Variants in FHIT observed in about 807,000 individuals in gnomAD.
The protein encoded by FHIT is fragile histidine triad diadenosine triphosphatase, also known as bis(5'-adenosyl)-triphosphatase.
FHIT carries 19 observed loss-of-function variants against 17.9 expected under a neutral mutation model. That is an observed-to-expected ratio of 1.06 (90% CI 0.74 to 1.56). FHIT has a LOEUF of 1.56. FHIT is among the 40% of genes most tolerant of loss of function. The pLI is 0.00. For missense variants in FHIT, 248 were observed against 189.2 expected, an observed-to-expected ratio of 1.31 and a Z score of -1.82; for synonymous variants, 81 against 69.7, an observed-to-expected ratio of 1.16 and a Z score of -0.81.
chr3:60,299,921 A>G (rs956097841), intron 5 of FHIT, among the ~76,000 whole-genome samples: 1 of 152,036 alleles, frequency 6.6e-6, no homozygotes, highest in Non-Finnish European at 1.5e-5. Context: ...AATTTTCTCT[A>G]TATTGCTAGA....
intron 5 of FHIT, among the ~76,000 whole-genome samples, chr3:60,016,893 C>T (rs1700364753): frequency 1.3e-5 from 2 of 152,200 alleles, no homozygotes; most frequent in South Asian, 4.1e-4. Flanking sequence ...CTCTTACTTA[C>T]TCAATCTTTC....
intron 7 of FHIT, among the ~76,000 whole-genome samples, chr3:59,985,951 G>A (rs1437989771): frequency 1.3e-5 from 2 of 151,600 alleles, no homozygotes; most frequent in Admixed American, 1.3e-4. Flanking sequence ...CACAAACAGA[G>A]AGAGAGAAAA....
chr3:60,094,788 A>C (rs2107111960), intron 5 of FHIT, among the ~76,000 whole-genome samples: 1 of 144,394 alleles, frequency 6.9e-6, no homozygotes, highest in Admixed American at 6.9e-5. Flanking sequence ...AGGGAAGGGA[A>C]CACAAGGGGT....
chr3:59,877,350 A>G (rs1210382902), intron 8 of FHIT, among the ~76,000 whole-genome samples: 2 of 152,188 alleles, frequency 1.3e-5, no homozygotes, highest in African/African-American at 4.8e-5. Flanking sequence ...GACTGTGTAG[A>G]GTTGACAGGG....
At chr3:60,044,888 T>G (rs1701587489) in intron 5 of FHIT, among the ~76,000 whole-genome samples, 1 of 152,076 alleles carries the variant, frequency 6.6e-6, no homozygotes. Context: ...CACAATGAGC[T>G]CATGAAAGAA....
chr3:59,833,802 C>T (rs748310618), intron 8 of FHIT, among the ~76,000 whole-genome samples: 1 of 152,120 alleles, frequency 6.6e-6, no homozygotes, highest in Non-Finnish European at 1.5e-5. Context: ...GTGATTGGAT[C>T]AGGGGGACAG....
intron 3 of FHIT, among the ~76,000 whole-genome samples, chr3:60,860,197 A>T (rs1703604201): frequency 7.1e-6 from 1 of 141,294 alleles, no homozygotes. Flanking sequence ...GAGATACATC[A>T]TATGTATATA....
At chr3:60,505,795 G>C (rs2034705338) in intron 5 of FHIT, among the ~76,000 whole-genome samples, 1 of 152,098 alleles carries the variant, frequency 6.6e-6, no homozygotes, top group African/African-American at 2.4e-5. Flanking sequence ...GCATCCATTG[G>C]TATTGCAATG....
intron 5 of FHIT, among the ~76,000 whole-genome samples, chr3:60,135,031 G>T (rs144623049): frequency 3.3e-5 from 5 of 152,114 alleles, no homozygotes; most frequent in Non-Finnish European, 7.4e-5. Context: ...AAGCCAGTGA[G>T]GGAGTGAATA....
At chr3:60,024,397 G>C (rs1700661000) in intron 5 of FHIT, among the ~76,000 whole-genome samples, 5 of 152,208 alleles carry the variant, frequency 3.3e-5, no homozygotes, top group Admixed American at 3.3e-4. Flanking sequence ...CATGTGTTCA[G>C]TGAATGAACT....
chr3:60,482,061 G>T (rs866637768), intron 5 of FHIT, among the ~76,000 whole-genome samples: 46 of 152,138 alleles, frequency 3.0e-4, no homozygotes, highest in Middle Eastern at 3.4e-3. Flanking sequence ...AACCAACAAA[G>T]ATCAAAAAAG....
At chr3:60,566,262 G>T (rs534819340) in intron 4 of FHIT, among the ~76,000 whole-genome samples, 69 of 152,240 alleles carry the variant, frequency 4.5e-4, no homozygotes, top group African/African-American at 1.6e-3. Flanking sequence ...TTCTGTAGAT[G>T]ATCAAGTGGG....
intron 4 of FHIT, among the ~76,000 whole-genome samples, chr3:60,569,019 T>G (rs2037243249): frequency 1.3e-5 from 2 of 151,942 alleles, no homozygotes; most frequent in Admixed American, 1.3e-4. Flanking sequence ...CCATTTTATG[T>G]CTTCTAAGGC....
At chr3:59,849,468 T>C (rs1701849575) in intron 8 of FHIT, among the ~76,000 whole-genome samples, 2 of 152,188 alleles carry the variant, frequency 1.3e-5, no homozygotes, top group African/African-American at 4.8e-5. Context: ...CACAATCTCA[T>C]GGAGGCAAAA....
At chr3:61,124,972 G>A (rs1306075953) in intron 2 of FHIT, among the ~76,000 whole-genome samples, 1 of 152,116 alleles carries the variant, frequency 6.6e-6, no homozygotes, top group East Asian at 1.9e-4. Flanking sequence ...GGGTTCCACT[G>A]AGCATTAACA....
At chr3:60,773,081 T>C (rs1439376257) in intron 4 of FHIT, among the ~76,000 whole-genome samples, 7 of 152,184 alleles carry the variant, frequency 4.6e-5, no homozygotes, top group Non-Finnish European at 1.0e-4. Flanking sequence ...AACTAAACTC[T>C]TTCTTTACTG....
At chr3:60,023,743 T>C (rs1700635611) in intron 5 of FHIT, among the ~76,000 whole-genome samples, 1 of 152,206 alleles carries the variant, frequency 6.6e-6, no homozygotes, top group African/African-American at 2.4e-5. Flanking sequence ...AATACTCCTT[T>C]ATAGATAGGC....
intron 1 of FHIT, among the ~76,000 whole-genome samples, chr3:61,206,855 A>C (rs1311538997): frequency 1.3e-5 from 2 of 152,110 alleles, no homozygotes; most frequent in South Asian, 2.1e-4. Flanking sequence ...CCAACACTAT[A>C]TTGAATAGGA....
intron 5 of FHIT, among the ~76,000 whole-genome samples, chr3:60,166,289 G>A (rs1262998931): frequency 1.3e-5 from 2 of 152,150 alleles, no homozygotes; most frequent in Non-Finnish European, 2.9e-5. Context: ...TGGAAGAGGA[G>A]TTATGCATCC....
Sources: gnomAD v4.1 joint callset for allele counts (sites outside exome capture counted in the v4.1 genomes callset) on GRCh38, gnomAD v4.1.1 for gene constraint, MANE v1.5 for transcripts, NCBI Gene and HGNC (gene_info 2026-07-23, HGNC 2026-07-21) for gene names.